MSRA: variants seen among roughly 807,000 people sequenced by gnomAD.
MSRA encodes the protein methionine sulfoxide reductase A.
A neutral mutation model predicts 31.3 loss-of-function variants in MSRA; 54 were observed. The ratio of observed to expected loss-of-function variants is 1.73; its 90% confidence interval spans 1.39 to 2.17. The LOEUF (loss-of-function observed/expected upper bound fraction) is 2.17, where lower values mean the gene tolerates loss of function less well. MSRA is among the 30% of genes most tolerant of loss of function. The pLI is 0.00. For synonymous variants in MSRA, 169 were observed against 116.5 expected, an observed-to-expected ratio of 1.45 and a Z score of -2.90; for missense variants, 507 against 300.9, an observed-to-expected ratio of 1.69 and a Z score of -5.07.
chr8:10,174,586 G>A (rs965023107), intron 1 of MSRA, among the ~76,000 whole-genome samples: 1 of 151,996 alleles, frequency 6.6e-6, no homozygotes, highest in East Asian at 1.9e-4. Flanking sequence ...CACTCTCTCA[G>A]CTTCCTCCCC....
At chr8:10,174,569 T>G (rs1388648907) in intron 1 of MSRA, among the ~76,000 whole-genome samples, 1 of 152,040 alleles carries the variant, frequency 6.6e-6, no homozygotes, top group African/African-American at 2.4e-5. Flanking sequence ...CAGTCCTACG[T>G]TCTTCGCACT....
At chr8:10,339,182 A>G (rs1346084991) in intron 5 of MSRA, among the ~76,000 whole-genome samples, 1 of 152,186 alleles carries the variant, frequency 6.6e-6, no homozygotes, top group African/African-American at 2.4e-5. Flanking sequence ...TTTGGAATGA[A>G]AACTGTAAGT....
intron 1 of MSRA, among the ~76,000 whole-genome samples, chr8:10,191,295 T>C (rs770224391): frequency 6.6e-6 from 1 of 152,200 alleles, no homozygotes; most frequent in Non-Finnish European, 1.5e-5. Context: ...CCTAACCAAC[T>C]GATCAACAAA....
chr8:10,347,370 G>A (rs892569842), intron 5 of MSRA, among the ~76,000 whole-genome samples: 4 of 152,098 alleles, frequency 2.6e-5, no homozygotes, highest in Non-Finnish European at 5.9e-5. Flanking sequence ...AAATTATCAT[G>A]TCTAAAACCA....
intron 1 of MSRA, among the ~76,000 whole-genome samples, chr8:10,084,858 A>T (rs905061256): frequency 6.6e-6 from 1 of 151,736 alleles, no homozygotes. Context: ...TTTAATAGAA[A>T]TAAGTCTCGA....
chr8:10,154,448 GC>G (rs1268090789), intron 1 of MSRA, among the ~76,000 whole-genome samples: 4 of 151,960 alleles, frequency 2.6e-5, no homozygotes, highest in African/African-American at 9.7e-5. Flanking sequence ...CACAATCTCG[GC>G]TCACTGCAAG....
intron 5 of MSRA, among the ~76,000 whole-genome samples, chr8:10,380,794 A>AT (rs1049129567): frequency 3.3e-5 from 5 of 151,788 alleles, no homozygotes; most frequent in Non-Finnish European, 7.4e-5. Flanking sequence ...GAACAGACAG[A>AT]TGGGTGGATG....
chr8:10,069,144 AT>A (rs535280222), intron 1 of MSRA, among the ~76,000 whole-genome samples: 123 of 152,282 alleles, frequency 8.1e-4, no homozygotes, highest in African/African-American at 2.8e-3. Flanking sequence ...CCTTGCTGTA[AT>A]TTCTTATTAG....
intron 5 of MSRA, among the ~76,000 whole-genome samples, chr8:10,365,812 A>G (rs1004151391): frequency 3.9e-5 from 6 of 152,192 alleles, no homozygotes; most frequent in Non-Finnish European, 7.3e-5. Context: ...CGGAGGTAGA[A>G]CACCCTGGCC....
chr8:10,248,159 A>C (rs1045562854), intron 3 of MSRA, among the ~76,000 whole-genome samples: 1 of 152,228 alleles, frequency 6.6e-6, no homozygotes, highest in Non-Finnish European at 1.5e-5. Context: ...TTGTGGGAGA[A>C]ATACTAGTCT....
chr8:10,333,352 G>A (rs1802819157), intron 5 of MSRA, among the ~76,000 whole-genome samples: 1 of 152,148 alleles, frequency 6.6e-6, no homozygotes, highest in South Asian at 2.1e-4. Context: ...AAACTGCAGA[G>A]AATGTTTGAA....
At chr8:10,087,440 T>G (rs983561458) in intron 1 of MSRA, among the ~76,000 whole-genome samples, 2 of 152,032 alleles carry the variant, frequency 1.3e-5, no homozygotes, top group Non-Finnish European at 2.9e-5. Flanking sequence ...GTTCAGAGAG[T>G]GCTGGAGAGA....
intron 1 of MSRA, among the ~76,000 whole-genome samples, chr8:10,095,137 G>A (rs528629078): frequency 2.6e-5 from 4 of 152,174 alleles, no homozygotes; most frequent in Non-Finnish European, 5.9e-5. Flanking sequence ...GGCAGGACAA[G>A]GAAAAGCAAG....
intron 1 of MSRA, among the ~76,000 whole-genome samples, chr8:10,089,608 C>T (rs1209172771): frequency 1.3e-5 from 2 of 152,170 alleles, no homozygotes; most frequent in Non-Finnish European, 2.9e-5. Context: ...TAAAGGAATA[C>T]TTGAGGCTGG....
intron 5 of MSRA, among the ~76,000 whole-genome samples, chr8:10,422,056 G>A (rs899106477): frequency 1.8e-4 from 27 of 152,310 alleles, no homozygotes; most frequent in African/African-American, 6.5e-4. Flanking sequence ...CAAGATGCGA[G>A]GATCGTTTGA....
In MSRA at chr8:10,245,224, G is replaced by T. The variant is rs1447165474; in HGVS notation, c.331+1G>T. The T allele has an allele frequency of 6.8e-6, 11 of 1,612,492 alleles. No homozygotes were observed. The highest frequency in any genetic ancestry group is 9.3e-6 in the Non-Finnish European group (11 of 1,179,348). On this transcript the variant is annotated splice_donor_variant, in intron 3 of 5. Transcript: ENST00000317173. LOFTEE classifies it high-confidence loss of function. ...CCTACTTATAAAGAAGTCTGCTCAG[G>T]TAGGAAGAATTTGCTTTATTGTATT...
chr8:10,054,453 C>A lies in MSRA; in HGVS notation c.-64C>A. The stretch of plus-strand genomic sequence containing the variant: ...GCCGCGGACCCCACTCTCTGCCGTT[C>A]CGGCTGCGGCTCCGCTGCCGGTAGC... On this transcript the variant is annotated 5_prime_UTR_variant, in exon 1 of 6. Coordinates refer to ENST00000317173, the MANE Select transcript of MSRA (RefSeq NM_012331.5). The A allele has an allele frequency of 7.1e-7, 1 of 1,401,614 alleles. No homozygotes were observed. The highest frequency in any genetic ancestry group is 9.4e-7 in the Non-Finnish European group (1 of 1,058,904). The allele number at this position is 1,401,614 out of a possible 1,614,324, so 86.8% of individuals were successfully genotyped here.
Position 10,074,058 on chromosome 8 carries a change from C to CTTTTTTTTT in MSRA, c.142+19432_142+19440dup. Among the ~76,000 whole-genome samples, 75 of 29,448 alleles carry CTTTTTTTTT rather than the reference C, an allele frequency of 2.5e-3. 7 individuals carry two copies. Among genetic ancestry groups the CTTTTTTTTT allele is most frequent in the East Asian group, 8.5e-3 (5 of 588 alleles). 19.3% of individuals were successfully genotyped at this position (29,448 alleles called of 152,430 possible). ...CATTTTGTTTTGTCTAAGGGAGGTG[C>CTTTTTTTTT]TTTTTTTTTTTTTTTTTTTTTTTTT... On this transcript the variant is annotated intron_variant, in intron 1 of 5. Coordinates refer to ENST00000317173, the MANE Select transcript of MSRA (RefSeq NM_012331.5).
At chr8:10,385,605 G>C (rs1806339807) in intron 5 of MSRA, among the ~76,000 whole-genome samples, 1 of 152,178 alleles carries the variant, frequency 6.6e-6, no homozygotes. Flanking sequence ...AGGAGATTAG[G>C]AGGGCCTGGC....
Sources: gnomAD v4.1 joint callset for allele counts (sites outside exome capture counted in the v4.1 genomes callset) on GRCh38, gnomAD v4.1.1 for gene constraint, MANE v1.5 for transcripts, NCBI Gene and HGNC (gene_info 2026-07-23, HGNC 2026-07-21) for gene names.